The following TRDN variants were observed in gnomAD, a reference collection of about 807,000 sequenced individuals.
TRDN encodes triadin.
Under a neutral mutation model 149.7 loss-of-function variants are expected in TRDN, and 161 were observed. The observed-to-expected ratio is 1.08, with a 90% CI of 0.95 to 1.23. TRDN has a LOEUF of 1.23. Among genes scored for constraint, TRDN ranks in the 50% most tolerant of loss-of-function variants. TRDN has a pLI of 0.00. For synonymous variants in TRDN, 294 were observed against 250.5 expected (o/e 1.17, Z -1.64); for missense variants, 896 against 823.5 (o/e 1.09, Z -1.08).
chr6:123,345,556 C>T (rs981963547), intron 21 of TRDN, among the ~76,000 whole-genome samples: 3 of 151,918 alleles, frequency 2.0e-5, no homozygotes, highest in Non-Finnish European at 2.9e-5. Flanking sequence ...TTTGCCTTTT[C>T]ATATAAACTT....
At chr6:123,492,742 A>G (rs1395402171) in intron 9 of TRDN, among the ~76,000 whole-genome samples, 1 of 152,148 alleles carries the variant, frequency 6.6e-6, no homozygotes, top group Non-Finnish European at 1.5e-5. Flanking sequence ...TCAATTTCCA[A>G]AAAAAGAAAA....
intron 1 of TRDN, among the ~76,000 whole-genome samples, chr6:123,609,418 T>C (rs1784682591): frequency 6.6e-6 from 1 of 152,148 alleles, no homozygotes; most frequent in South Asian, 2.1e-4. Context: ...AGGAGTATAA[T>C]ATAGTTATAA....
chr6:123,539,045 G>A (rs1780690734), intron 4 of TRDN, among the ~76,000 whole-genome samples: 1 of 152,170 alleles, frequency 6.6e-6, no homozygotes, highest in Non-Finnish European at 1.5e-5. Context: ...TAAGACTGAT[G>A]TGTCTGTACA....
At chr6:123,491,435 A>G (rs1214419333) in intron 9 of TRDN, among the ~76,000 whole-genome samples, 1 of 152,190 alleles carries the variant, frequency 6.6e-6, no homozygotes. Context: ...CTTTGAAAAC[A>G]GGGAATATAA....
chr6:123,329,785 T>C lies in TRDN; in HGVS notation c.1471+2094A>G, dbSNP rs117787427. Among the ~76,000 whole-genome samples the C allele has an allele frequency of 9.4e-3, 1,434 of 152,240 alleles. 12 individuals carry two copies. Among genetic ancestry groups the C allele is most frequent in the Non-Finnish European group, 0.015 (1,015 of 68,002 alleles). On this transcript the variant is annotated intron_variant, in intron 23 of 40. Transcript: ENST00000334268. ...TGACTAATTAAAATCCTGACAGTAA[T>C]TTAAGGGCTGAATTTCTAAAATAAT...
At chr6:123,568,483 C>T (rs1470634666) in intron 2 of TRDN, among the ~76,000 whole-genome samples, 9 of 152,228 alleles carry the variant, frequency 5.9e-5, no homozygotes, top group Non-Finnish European at 1.3e-4. Context: ...TGTTTGGGCT[C>T]TGCCACTGCA....
intron 2 of TRDN, among the ~76,000 whole-genome samples, chr6:123,565,532 G>C (rs1308618740): frequency 1.3e-5 from 2 of 152,146 alleles, no homozygotes; most frequent in Non-Finnish European, 2.9e-5. Context: ...CACTAAGCTG[G>C]AACTGTCTTC....
chr6:123,427,511 C>G (rs1053482804), intron 12 of TRDN, among the ~76,000 whole-genome samples: 3 of 152,076 alleles, frequency 2.0e-5, no homozygotes, highest in African/African-American at 2.4e-5. Context: ...AAGATACCCA[C>G]TCTTTCTCTG....
At chr6:123,263,175 A>C (rs137902243) in intron 33 of TRDN, among the ~76,000 whole-genome samples, 1 of 152,210 alleles carries the variant, frequency 6.6e-6, no homozygotes, top group Admixed American at 6.6e-5. Context: ...GACCACATAA[A>C]TGCTAAGAAA....
intron 31 of TRDN, among the ~76,000 whole-genome samples, 164 bp from the exon 32 acceptor site, chr6:123,267,915 A>C (rs1482784316): frequency 6.6e-6 from 1 of 152,102 alleles, no homozygotes; most frequent in Non-Finnish European, 1.5e-5. Flanking sequence ...AAAAATTATA[A>C]ACAGGGTTAG....
chr6:123,293,652 A>G (rs1269420986), intron 24 of TRDN, among the ~76,000 whole-genome samples: 4 of 152,158 alleles, frequency 2.6e-5, no homozygotes, highest in Admixed American at 6.5e-5. Context: ...ACTTGGAAGC[A>G]AAGGATAAAC....
intron 38 of TRDN, among the ~76,000 whole-genome samples, chr6:123,235,653 T>A (rs1456782878): frequency 6.6e-6 from 1 of 152,184 alleles, no homozygotes; most frequent in Non-Finnish European, 1.5e-5. Context: ...TTAAGACACG[T>A]ATAGATGTGT....
At chr6:123,542,674 T>C (rs890183846) in intron 4 of TRDN, among the ~76,000 whole-genome samples, 1 of 152,208 alleles carries the variant, frequency 6.6e-6, no homozygotes, top group Admixed American at 6.5e-5. Context: ...ATACCAGTAT[T>C]TTATTAGTAA....
At chr6:123,316,700 A>G (rs1391699703) in intron 23 of TRDN, among the ~76,000 whole-genome samples, 1 of 151,918 alleles carries the variant, frequency 6.6e-6, no homozygotes, top group East Asian at 1.9e-4. Flanking sequence ...AAGCAAAAAT[A>G]CTTTGATTTT....
intron 2 of TRDN, among the ~76,000 whole-genome samples, chr6:123,550,699 A>C (rs1360108466): frequency 6.6e-6 from 1 of 151,936 alleles, no homozygotes; most frequent in Non-Finnish European, 1.5e-5. Flanking sequence ...GAACGAGAGG[A>C]TTTCTGGGGA....
chr6:123,522,639 G>C (rs1240527526), intron 5 of TRDN, among the ~76,000 whole-genome samples: 1 of 147,894 alleles, frequency 6.8e-6, no homozygotes, highest in Non-Finnish European at 1.5e-5. Context: ...TTTTGTTTTA[G>C]TATGAAATTG....
chr6:123,422,784 T>TTTTTTTAGA (rs1773963932), intron 12 of TRDN, among the ~76,000 whole-genome samples: 2 of 152,146 alleles, frequency 1.3e-5, no homozygotes, highest in Non-Finnish European at 2.9e-5. Context: ...CTTCAGTACT[T>TTTTTTTAGA]ATTACCTAAG....
chr6:123,367,060 T>C (rs886813830), intron 19 of TRDN, among the ~76,000 whole-genome samples: 3 of 152,140 alleles, frequency 2.0e-5, no homozygotes, highest in African/African-American at 4.8e-5. Flanking sequence ...AAAAGTGGCC[T>C]TTTGGTTTCT....
chr6:123,490,919 A>T (rs904106354), intron 9 of TRDN, among the ~76,000 whole-genome samples: 8 of 152,196 alleles, frequency 5.3e-5, no homozygotes, highest in African/African-American at 1.9e-4. Flanking sequence ...CCTGGCCAAC[A>T]TGGTGAAATC....
Sources: allele counts gnomAD v4.1 joint callset (sites outside exome capture counted in the v4.1 genomes callset), GRCh38; gene constraint gnomAD v4.1.1; transcripts MANE v1.5; gene names NCBI Gene and HGNC (gene_info 2026-07-23, HGNC 2026-07-21).